The following MGLL variants were observed in gnomAD, a reference collection of about 807,000 sequenced individuals.
The protein encoded by MGLL is monoglyceride lipase, also known as lysophospholipase homolog.
MGLL carries 7 observed loss-of-function variants against 29.1 expected under a neutral mutation model. The observed-to-expected ratio is 0.24, with a 90% CI of 0.14 to 0.45. MGLL has a LOEUF of 0.45. Among genes scored for constraint, MGLL ranks in the 20% least tolerant of loss-of-function variants. The pLI is 0.99. For missense variants in MGLL, 356 were observed against 413.6 expected (o/e 0.86, Z 1.21); for synonymous variants, 148 against 168.3 (o/e 0.88, Z 0.93).
chr3:127,819,173 G>A (rs1185454414), intron 2 of MGLL, among the ~76,000 whole-genome samples: 1 of 152,204 alleles, frequency 6.6e-6, no homozygotes, highest in African/African-American at 2.4e-5. Flanking sequence ...GGTTCCCAGT[G>A]CAGCGGCTGA....
intron 3 of MGLL, chr3:127,736,238 T>C (rs903193721): frequency 1.1e-4 from 105 of 958,602 alleles, no homozygotes; most frequent in Non-Finnish European, 1.3e-4. Flanking sequence ...AAAAGCAAAT[T>C]GCTTTAAAAA....
In MGLL at chr3:127,802,147, G is replaced by A. The variant is rs368472257; in HGVS notation, c.155+19547C>T. ...CCTGAGCCAAGCATGTCAGGGTCAG[G>A]AGACAGGGGACATCCGCTCCATACC... On this transcript the variant is annotated intron_variant, in intron 2 of 7. Coordinates refer to ENST00000265052, the MANE Select transcript of MGLL (RefSeq NM_007283.7). Among the ~76,000 whole-genome samples, 4 of 152,280 alleles carry A rather than the reference G, an allele frequency of 2.6e-5. No homozygotes were observed. In the East Asian group the frequency reaches 7.7e-4, roughly 29 times the overall value.
At chr3:127,769,981 G>GC (rs1406664740) in intron 3 of MGLL, among the ~76,000 whole-genome samples, 4 of 152,172 alleles carry the variant, frequency 2.6e-5, no homozygotes, top group African/African-American at 9.7e-5. Context: ...AGGCCGCTCT[G>GC]CTGCAACAGC....
At chr3:127,734,044 T>C (rs920610284) in intron 3 of MGLL, among the ~76,000 whole-genome samples, 1 of 152,172 alleles carries the variant, frequency 6.6e-6, no homozygotes, top group African/African-American at 2.4e-5. Flanking sequence ...AGGTCTGAAG[T>C]AGAAAACCCT....
chr3:127,710,467 A>AG, intron 6 of MGLL, 109 bp downstream of exon 6: 1 of 1,028,858 alleles, frequency 9.7e-7, no homozygotes, highest in African/African-American at 1.6e-5. Context: ...CACTTTGCAC[A>AG]GGGCCTCGGT....
At chr3:127,716,476 A>C (rs558010864) in intron 5 of MGLL, among the ~76,000 whole-genome samples, 1 of 152,368 alleles carries the variant, frequency 6.6e-6, no homozygotes, top group South Asian at 2.1e-4. Flanking sequence ...AAAGCACGTG[A>C]CGTGCAGCTT....
intron 2 of MGLL, 25 bp from the exon 3 acceptor site, chr3:127,781,920 G>C: frequency 6.2e-7 from 1 of 1,611,038 alleles, no homozygotes; most frequent in Non-Finnish European, 8.5e-7. Context: ...AGGGAGCCTG[G>C]TTAGGAAAGC....
intron 4 of MGLL, 127 bp downstream of exon 4, chr3:127,722,303 C>T: frequency 7.4e-7 from 1 of 1,356,272 alleles, no homozygotes; most frequent in Non-Finnish European, 1.0e-6. Context: ...AAGTGCAGTG[C>T]ACAAAGGGAG....
Position 127,821,613 on chromosome 3 carries a change from G to A in MGLL, c.155+81C>T, listed in dbSNP as rs1576330614. 3.2e-6 allele frequency: 5 copies of A among 1,547,420 alleles called. No homozygotes were observed. In the South Asian group the frequency reaches 5.6e-5, roughly 17 times the overall value. On this transcript the variant is annotated intron_variant, in intron 2 of 7. Coordinates refer to ENST00000265052, the MANE Select transcript of MGLL (RefSeq NM_007283.7). Reference sequence around the variant, plus strand: ...TCATAGAGAAAGCGGCCCCGCCCCAGATGGCACATGATAACGACCAGAGGA... The same window carrying A: ...TCATAGAGAAAGCGGCCCCGCCCCAAATGGCACATGATAACGACCAGAGGA...
chr3:127,711,734 T>C, intron 5 of MGLL: 1 of 151,306 alleles, frequency 6.6e-6, no homozygotes, highest in African/African-American at 2.4e-5. Context: ...CTATCTTTTT[T>C]TTTTTTTTTT....
At chr3:127,781,945 G>A (rs1160327063) in intron 2 of MGLL, 50 bp from the exon 3 acceptor site, 3 of 1,565,124 alleles carry the variant, frequency 1.9e-6, no homozygotes, top group Non-Finnish European at 2.6e-6. Flanking sequence ...ACGGGGCTGG[G>A]CGCGGTGGCT....
intron 3 of MGLL, among the ~76,000 whole-genome samples, chr3:127,742,296 C>T (rs1034033929): frequency 6.6e-6 from 1 of 152,094 alleles, no homozygotes; most frequent in Non-Finnish European, 1.5e-5. Flanking sequence ...CAGACAAAAG[C>T]TACAGAAGGC....
intron 2 of MGLL, among the ~76,000 whole-genome samples, chr3:127,798,553 T>C (rs926978876): frequency 2.2e-4 from 34 of 152,258 alleles, no homozygotes; most frequent in African/African-American, 7.9e-4. Context: ...GATTTGTTCT[T>C]TCCATTCCCT....
intron 2 of MGLL, 65 bp downstream of exon 2, chr3:127,821,629 G>C (rs769600002): frequency 3.3e-4 from 525 of 1,583,660 alleles, no homozygotes; most frequent in Non-Finnish European, 4.5e-4. Flanking sequence ...ACATGATAAC[G>C]ACCAGAGGAG....
chr3:127,774,213 G>A (rs750275513), intron 3 of MGLL, among the ~76,000 whole-genome samples: 6 of 152,144 alleles, frequency 3.9e-5, no homozygotes, highest in Non-Finnish European at 7.3e-5. Context: ...CCCTGCCCCC[G>A]GGCCTTTGCA....
intron 2 of MGLL, among the ~76,000 whole-genome samples, chr3:127,809,519 A>T (rs1232000403): frequency 6.6e-6 from 1 of 152,124 alleles, no homozygotes; most frequent in African/African-American, 2.4e-5. Context: ...CCAGGTACTC[A>T]GGAGGCTGAG....
intron 3 of MGLL, among the ~76,000 whole-genome samples, chr3:127,733,962 T>C (rs989245143): frequency 6.6e-6 from 1 of 152,178 alleles, no homozygotes; most frequent in Non-Finnish European, 1.5e-5. Context: ...CCAGCCTGCC[T>C]CCCAATCGTA....
At chr3:127,742,664 G>C (rs1444796401) in intron 3 of MGLL, among the ~76,000 whole-genome samples, 1 of 148,266 alleles carries the variant, frequency 6.7e-6, no homozygotes, top group Non-Finnish European at 1.5e-5. Flanking sequence ...CAAGTTATGT[G>C]TTTCTCCTCG....
intron 3 of MGLL, among the ~76,000 whole-genome samples, chr3:127,746,761 C>T (rs1452899697): frequency 6.6e-6 from 1 of 152,206 alleles, no homozygotes; most frequent in Admixed American, 6.5e-5. Flanking sequence ...CTCTCGTCTA[C>T]TGGGGCTGGT....
Sources: allele counts gnomAD v4.1 joint callset (sites outside exome capture counted in the v4.1 genomes callset), GRCh38; gene constraint gnomAD v4.1.1; transcripts MANE v1.5; gene names NCBI Gene and HGNC (gene_info 2026-07-23, HGNC 2026-07-21).